PLXDC2: variants seen among roughly 807,000 people sequenced by gnomAD.
PLXDC2 encodes the protein plexin domain-containing protein 2.
PLXDC2 carries 40 observed loss-of-function variants against 68.9 expected under a neutral mutation model. That is an observed-to-expected ratio of 0.58 (90% CI 0.45 to 0.76). The LOEUF (loss-of-function observed/expected upper bound fraction) is 0.76. Ranked by LOEUF, PLXDC2 falls within the 30% of genes least tolerant of loss-of-function variation. The pLI is 0.00. For missense variants in PLXDC2, 644 were observed against 661.9 expected (o/e 0.97, Z 0.30); for synonymous variants, 243 against 234.2 (o/e 1.04, Z -0.34).
Position 20,046,834 on chromosome 10 carries a change from C to T in PLXDC2, c.325-35C>T, listed in dbSNP as rs767384136. 24 of 1,548,886 alleles carry T rather than the reference C, an allele frequency of 1.5e-5. No homozygotes were observed. In the South Asian group the frequency reaches 2.6e-4, roughly 17 times the overall value. On this transcript the variant is annotated intron_variant, in intron 2 of 13. Transcript: ENST00000377252. ...TTAAAGAATTGTAGGTAAAACATCT[C>T]GGTTCTTGATATACATTATTATCTA...
intron 1 of PLXDC2, among the ~76,000 whole-genome samples, chr10:19,951,384 C>A (rs988397435): frequency 1.3e-5 from 2 of 151,944 alleles, no homozygotes; most frequent in African/African-American, 2.4e-5. Context: ...ACATAGGTAG[C>A]CAACAAACAT....
intron 4 of PLXDC2, among the ~76,000 whole-genome samples, chr10:20,082,085 G>T (rs1004932544): frequency 2.4e-5 from 3 of 124,232 alleles, no homozygotes; most frequent in Non-Finnish European, 4.9e-5. Context: ...AACAGGAGAA[G>T]TCTGAGAAAC....
At chr10:19,831,923 G>GT (rs776997873) in intron 1 of PLXDC2, among the ~76,000 whole-genome samples, 111 of 152,160 alleles carry the variant, frequency 7.3e-4, no homozygotes, top group Non-Finnish European at 1.2e-3. Context: ...AATGATTTAT[G>GT]TTTTTGACCC....
At chr10:20,072,007 A>C (rs764393945) in intron 4 of PLXDC2, among the ~76,000 whole-genome samples, 2 of 152,098 alleles carry the variant, frequency 1.3e-5, no homozygotes, top group African/African-American at 4.8e-5. Context: ...GGTTGGAATG[A>C]GTCTAGTGAA....
At chr10:19,817,255 G>T in intron 1 of PLXDC2, 64 bp downstream of exon 1, 1 of 1,311,612 alleles carries the variant, frequency 7.6e-7, no homozygotes, top group Non-Finnish European at 1.1e-6. Flanking sequence ...TGGCACTCTC[G>T]TGCTCCCTAC....
rs139642089 is a variant in PLXDC2, at chr10:20,263,725, G to A, written c.1474-15978G>A. 4.7e-3 allele frequency among the ~76,000 whole-genome samples: 708 copies of A among 152,114 alleles called. 8 individuals are homozygous for A. The highest frequency in any genetic ancestry group is 0.014 in the African/African-American group (578 of 41,498). On this transcript the variant is annotated intron_variant, in intron 13 of 13. Coordinates refer to ENST00000377252, the MANE Select transcript of PLXDC2 (RefSeq NM_032812.9). ...GCCAAAAAGCATAGAAAAAAGCTGC[G>A]TATCACTGATCATTAAAGAAATGCA...
chr10:19,929,979 G>C (rs1833598903), intron 1 of PLXDC2, among the ~76,000 whole-genome samples: 1 of 152,106 alleles, frequency 6.6e-6, no homozygotes, highest in Admixed American at 6.5e-5. Context: ...CTCCGTCCTG[G>C]AGGATGTGTC....
chr10:19,885,256 C>CT (rs1462031724), intron 1 of PLXDC2, among the ~76,000 whole-genome samples: 1 of 151,262 alleles, frequency 6.6e-6, no homozygotes, highest in Non-Finnish European at 1.5e-5. Context: ...GATATTAGCC[C>CT]TTTGTCAGAT....
At chr10:20,076,015 C>T (rs1836441882) in intron 4 of PLXDC2, among the ~76,000 whole-genome samples, 1 of 152,172 alleles carries the variant, frequency 6.6e-6, no homozygotes, top group Admixed American at 6.5e-5. Context: ...TGTAGCCTTT[C>T]CTAGTCACTG....
intron 2 of PLXDC2, among the ~76,000 whole-genome samples, chr10:20,029,204 G>A (rs899446536): frequency 6.6e-6 from 1 of 152,066 alleles, no homozygotes; most frequent in Non-Finnish European, 1.5e-5. Flanking sequence ...TATAGACTGA[G>A]TCTTGTCTTT....
chr10:20,130,599 T>A (rs1050718961), intron 4 of PLXDC2, among the ~76,000 whole-genome samples: 1 of 152,154 alleles, frequency 6.6e-6, no homozygotes, highest in Non-Finnish European at 1.5e-5. Flanking sequence ...TTTAGCTTTT[T>A]ATCATTGAGT....
chr10:20,063,440 C>T (rs1215713723), intron 3 of PLXDC2, among the ~76,000 whole-genome samples: 1 of 152,098 alleles, frequency 6.6e-6, no homozygotes, highest in Non-Finnish European at 1.5e-5. Context: ...AATGTGCCCA[C>T]TCCAGATTCT....
In PLXDC2 at chr10:20,196,653, A is replaced by G. The variant is rs545778590; in HGVS notation, c.1062-15016A>G. Among the ~76,000 whole-genome samples the G allele has an allele frequency of 5.9e-5, 9 of 152,326 alleles. No individual in the cohort carries two copies. In the South Asian group the frequency reaches 1.7e-3, roughly 28 times the overall value. On this transcript the variant is annotated intron_variant, in intron 9 of 13. Coordinates refer to ENST00000377252, the MANE Select transcript of PLXDC2 (RefSeq NM_032812.9). ...GCCCCAGTTTTATGCATGCAATTCT[A>G]AAGTTCATGTTCCTTCCACTAAATA...
intron 4 of PLXDC2, among the ~76,000 whole-genome samples, chr10:20,140,374 A>G (rs1185300400): frequency 8.1e-6 from 1 of 123,506 alleles, no homozygotes; most frequent in East Asian, 2.2e-4. Flanking sequence ...AAAATGAAGG[A>G]CCAGAAAAAT....
In PLXDC2 at chr10:19,984,232, G is replaced by A. The variant is rs568146524; in HGVS notation, c.113-17543G>A. 6.6e-5 allele frequency among the ~76,000 whole-genome samples: 10 copies of A among 152,266 alleles called. No individual in the cohort carries two copies. The South Asian group carries it at 2.1e-3, about 32-fold the overall frequency. ...TTCTGGATGGCCACTCCAGTAAGAG[G>A]TCTGGTGTTGGGGCAGGTGTGTCCT... On this transcript the variant is annotated intron_variant, in intron 1 of 13. Coordinates refer to ENST00000377252, the MANE Select transcript of PLXDC2 (RefSeq NM_032812.9).
At chr10:20,176,248 C>T (rs1486557157) in intron 7 of PLXDC2, among the ~76,000 whole-genome samples, 1 of 151,870 alleles carries the variant, frequency 6.6e-6, no homozygotes, top group Non-Finnish European at 1.5e-5. Context: ...TTCCTTTTTT[C>T]CCTCCAGCTT....
Position 20,120,543 on chromosome 10 carries a change from C to G in PLXDC2, c.542-22752C>G, listed in dbSNP as rs59594999. Reference sequence around the variant, plus strand: ...GGAAGGCTAAACTGAGGAATTATGTCTGACAGAAGGGAAGAAATGACTGCG... The same window carrying G: ...GGAAGGCTAAACTGAGGAATTATGTGTGACAGAAGGGAAGAAATGACTGCG... On this transcript the variant is annotated intron_variant, in intron 4 of 13. Coordinates refer to ENST00000377252, the MANE Select transcript of PLXDC2 (RefSeq NM_032812.9). Among the ~76,000 whole-genome samples, 3,738 of 152,222 alleles carry G rather than the reference C, an allele frequency of 0.025. 330 individuals are homozygous for G. The East Asian group carries it at 0.34, about 14-fold the overall frequency.
intron 2 of PLXDC2, among the ~76,000 whole-genome samples, chr10:20,044,135 C>CCTCCCT (rs1420390475): frequency 1.4e-5 from 2 of 141,342 alleles, no homozygotes; most frequent in South Asian, 2.3e-4. Flanking sequence ...TCCCTCCCTC[C>CCTCCCT]CTCTCTCTCT....
At chr10:20,178,825 C>G (rs1834563538) in intron 9 of PLXDC2, among the ~76,000 whole-genome samples, 1 of 152,000 alleles carries the variant, frequency 6.6e-6, no homozygotes, top group African/African-American at 2.4e-5. Flanking sequence ...ACAGGGCGTT[C>G]TAGTTATTTC....
Sources: allele counts gnomAD v4.1 joint callset (sites outside exome capture counted in the v4.1 genomes callset), GRCh38; gene constraint gnomAD v4.1.1; transcripts MANE v1.5; gene names NCBI Gene and HGNC (gene_info 2026-07-23, HGNC 2026-07-21).